Variants in PCDHA1 observed in about 807,000 individuals in gnomAD.
PCDHA1 encodes the protein protocadherin alpha-1.
A neutral mutation model predicts 61.3 loss-of-function variants in PCDHA1; 42 were observed. The observed-to-expected ratio is 0.69, with a 90% confidence interval of 0.54 to 0.89. The LOEUF is 0.89. Ranked by LOEUF, PCDHA1 falls within the 40% of genes least tolerant of loss-of-function variation. PCDHA1 has a pLI of 0.00. For synonymous variants in PCDHA1, 610 were observed against 553.8 expected (o/e 1.10, Z -1.43); for missense variants, 1,256 against 1,235.3 (o/e 1.02, Z -0.25).
At chr5:140,897,395 G>A (rs1583270355) in intron 1 of PCDHA1, among the ~76,000 whole-genome samples, 1 of 135,586 alleles carries the variant, frequency 7.4e-6, no homozygotes, top group Middle Eastern at 5.0e-3. Flanking sequence ...GTGTCCATGT[G>A]TTCTCATTGT....
At chr5:140,835,920 G>C (rs2150248409) in intron 1 of PCDHA1, 2 of 1,612,396 alleles carry the variant, frequency 1.2e-6, no homozygotes, top group Non-Finnish European at 1.7e-6. Flanking sequence ...AGTGCACGCG[G>C]AGAGCGGCAA....
rs1354024446 is a variant in PCDHA1 at position 140,846,271 on chromosome 5, C to G, written c.2394+57587C>G. Among the ~76,000 whole-genome samples the G allele has an allele frequency of 2.0e-5, 3 of 148,444 alleles. 1 individual carries two copies. The highest frequency in any genetic ancestry group is 3.0e-5 in the Non-Finnish European group (2 of 66,608). Reference sequence around the variant, plus strand: ...TAATGTTTTGATGATGATTTAAAGTCAATTTATGTTGTAGTTCTATGAATT... The same window carrying G: ...TAATGTTTTGATGATGATTTAAAGTGAATTTATGTTGTAGTTCTATGAATT... On this transcript the variant is annotated intron_variant, in intron 1 of 3. Coordinates refer to ENST00000504120, the MANE Select transcript of PCDHA1 (RefSeq NM_018900.4).
intron 1 of PCDHA1, among the ~76,000 whole-genome samples, chr5:140,922,038 T>A (rs1048446579): frequency 6.6e-6 from 1 of 152,088 alleles, no homozygotes. Context: ...AATGTAATTT[T>A]CCCACATACC....
chr5:140,862,720 G>T (rs558152493), intron 1 of PCDHA1: 18 of 566,048 alleles, frequency 3.2e-5, no homozygotes, highest in Non-Finnish European at 6.2e-5. Flanking sequence ...GGGCGAGTGC[G>T]CGCTGTCTAG....
rs112377727 is a variant in PCDHA1, at chr5:140,875,811, G to T, written c.2394+87127G>T. The T allele has an allele frequency of 3.6e-4, 584 of 1,614,186 alleles. 8 individuals are homozygous for T. Among genetic ancestry groups the T allele is most frequent in the South Asian group, 3.4e-3 (314 of 91,084 alleles). On this transcript the variant is annotated intron_variant, in intron 1 of 3. Coordinates refer to ENST00000504120, the MANE Select transcript of PCDHA1 (RefSeq NM_018900.4). ...ACCTGGAGGTGATCGTGGACAGGCC[G>T]CTGCAGGTTTTCCATGTGGACGTGG...
At chr5:140,968,253 C>A (rs782229675) in intron 1 of PCDHA1, 3 of 1,613,908 alleles carry the variant, frequency 1.9e-6, no homozygotes, top group Non-Finnish European at 2.5e-6. Flanking sequence ...GCCACAGACC[C>A]AGATGAAAAG....
At chr5:140,855,751 T>G in intron 1 of PCDHA1, 1 of 328,292 alleles carries the variant, frequency 3.0e-6, no homozygotes, top group Non-Finnish European at 5.6e-6. Flanking sequence ...ATGTGAGGCT[T>G]TGAAAGTCCA....
chr5:140,922,268 A>T (rs2153564244), intron 1 of PCDHA1, among the ~76,000 whole-genome samples: 1 of 152,382 alleles, frequency 6.6e-6, no homozygotes, highest in Non-Finnish European at 1.5e-5. Context: ...TGCCATGAAG[A>T]TTGGACCAAG....
chr5:140,849,642 G>T (rs2150443693), intron 1 of PCDHA1: 2 of 1,598,700 alleles, frequency 1.3e-6, no homozygotes, highest in Non-Finnish European at 1.7e-6. Flanking sequence ...AGATGCCAAC[G>T]GGCAGGTTAC....
chr5:140,967,775 G>A, intron 1 of PCDHA1: 2 of 1,614,200 alleles, frequency 1.2e-6, no homozygotes, highest in South Asian at 2.2e-5. Context: ...CTATGTGCAG[G>A]CGACTGACCG....
chr5:140,874,590 T>C (rs1345853316), intron 1 of PCDHA1, among the ~76,000 whole-genome samples: 11 of 152,248 alleles, frequency 7.2e-5, no homozygotes, highest in Non-Finnish European at 1.5e-4. Flanking sequence ...TTTGGGATAG[T>C]GTGAAATTTG....
chr5:140,858,391 T>C lies in PCDHA1; in HGVS notation c.2394+69707T>C, dbSNP rs1214576702. On this transcript the variant is annotated intron_variant, in intron 1 of 3. Transcript: ENST00000504120. ...GCCTTCCACCATGCCCAATGGTAGA[T>C]GTGGACGGGGAAGATCAGTCTATTG... is the stretch of plus-strand genomic sequence containing the variant. 12 of 1,577,710 alleles carry C rather than the reference T, an allele frequency of 7.6e-6. 1 individual carries two copies. Among genetic ancestry groups the C allele is most frequent in the African/African-American group, 1.4e-5 (1 of 74,060 alleles).
chr5:140,888,886 T>TA (rs2062023222), intron 1 of PCDHA1, among the ~76,000 whole-genome samples: 1 of 152,036 alleles, frequency 6.6e-6, no homozygotes, highest in South Asian at 2.1e-4. Flanking sequence ...ATTAAAACAT[T>TA]AGAATTGAGG....
intron 1 of PCDHA1, chr5:140,882,615 T>A (rs1554174850): frequency 6.2e-7 from 1 of 1,614,020 alleles, no homozygotes; most frequent in South Asian, 1.1e-5. Flanking sequence ...CCTCTGCAGG[T>A]TTTCCATGTG....
intron 1 of PCDHA1, among the ~76,000 whole-genome samples, chr5:140,951,667 C>T (rs180768474): frequency 6.6e-6 from 1 of 152,156 alleles, no homozygotes; most frequent in African/African-American, 2.4e-5. Context: ...GGCCTGCCTA[C>T]AAAATTGGGG....
In PCDHA1 at chr5:140,857,385, A is replaced by T. The variant is rs1300471931; in HGVS notation, c.2394+68701A>T. On this transcript the variant is annotated intron_variant, in intron 1 of 3. Coordinates refer to ENST00000504120, the MANE Select transcript of PCDHA1 (RefSeq NM_018900.4). ...GCCAGCGTGTCTGTGGAGGTGGCCG[A>T]CGTGAACGACAACGCGCCTGCGTTC... The T allele has an allele frequency of 1.8e-5, 29 of 1,598,230 alleles. 2 individuals carry two copies. Among genetic ancestry groups the T allele is most frequent in the Non-Finnish European group, 2.3e-5 (27 of 1,167,886 alleles).
chr5:140,970,834 T>C lies in PCDHA1; in HGVS notation c.2395-8115T>C, dbSNP rs566411727. 8.6e-5 allele frequency among the ~76,000 whole-genome samples: 13 copies of C among 151,290 alleles called. No homozygotes were observed. The South Asian group carries it at 1.2e-3, about 14-fold the overall frequency. ...AAGTTCATGGTAATCTTGAGGAATG[T>C]AATGCACAGGCACAAAAGTTCCATT... On this transcript the variant is annotated intron_variant, in intron 1 of 3. Transcript: ENST00000504120.
intron 1 of PCDHA1, chr5:140,927,810 G>C: frequency 6.2e-7 from 1 of 1,614,200 alleles, no homozygotes. Flanking sequence ...AAACGCTCTT[G>C]GAGGCATACA....
At position 140,788,257 on chromosome 5, in the gene PCDHA1, A is replaced by G. The variant is rs1554118199; in HGVS notation, c.1967A>G (p.Glu656Gly). The G allele has an allele frequency of 9.9e-6, 16 of 1,613,840 alleles. No homozygotes were observed. The highest frequency in any genetic ancestry group is 1.2e-5 in the Non-Finnish European group (14 of 1,179,888). Residue 656 changes from glutamate to glycine, a missense_variant, in exon 1 of 4, where the codon GAG becomes GGG. Glu to Gly is a moderately conservative substitution (Grantham distance 98, BLOSUM62 -2). Transcript: ENST00000504120. ...CTGGTGCTAGTGAAGGATCACGGTG[A>G]GCCGGCGCTGACAGCCACGGCCACT... ...RLLVLVKDHG[E>G]PALTATATVL...
Sources: allele counts gnomAD v4.1 joint callset (sites outside exome capture counted in the v4.1 genomes callset), GRCh38; gene constraint gnomAD v4.1.1; transcripts MANE v1.5; gene names NCBI Gene and HGNC (gene_info 2026-07-23, HGNC 2026-07-21).